LMX1A: variants seen among roughly 807,000 people sequenced by gnomAD.
LMX1A encodes LIM homeobox transcription factor 1 alpha.
In LMX1A, 15 loss-of-function variants were observed where a neutral mutation model predicts 49.1. That is an observed-to-expected ratio of 0.31 (90% confidence interval 0.20 to 0.47). The LOEUF is 0.47. Ranked by LOEUF, LMX1A falls within the 20% of genes least tolerant of loss-of-function variation. The probability of loss-of-function intolerance (pLI) is 1.00; values close to 1 mark genes in which losing one functional copy is unlikely to be tolerated. For synonymous variants in LMX1A, 167 were observed against 185.7 expected (o/e 0.90, Z 0.82); for missense variants, 372 against 475.8 (o/e 0.78, Z 2.03).
chr1:165,295,488 G>C (rs1654590754), intron 3 of LMX1A, among the ~76,000 whole-genome samples: 1 of 147,476 alleles, frequency 6.8e-6, no homozygotes, highest in Non-Finnish European at 1.5e-5. Context: ...ATATATTGGA[G>C]ACATAACATA....
chr1:165,249,141 C>T (rs968689383), intron 4 of LMX1A, among the ~76,000 whole-genome samples: 7 of 152,024 alleles, frequency 4.6e-5, no homozygotes, highest in Non-Finnish European at 8.8e-5. Flanking sequence ...CCAGTTAACC[C>T]GGACATTTCT....
At chr1:165,261,704 C>A (rs1257880607) in intron 3 of LMX1A, among the ~76,000 whole-genome samples, 1 of 151,982 alleles carries the variant, frequency 6.6e-6, no homozygotes, top group Admixed American at 6.6e-5. Context: ...ATTATTCAGC[C>A]TTAAAAAGGA....
chr1:165,344,007 C>T (rs1656161686), intron 3 of LMX1A, among the ~76,000 whole-genome samples: 1 of 152,214 alleles, frequency 6.6e-6, no homozygotes, highest in Admixed American at 6.5e-5. Context: ...CTAGCCTGCA[C>T]TCAAAGTAAT....
intron 3 of LMX1A, among the ~76,000 whole-genome samples, chr1:165,350,302 T>C (rs17468805): frequency 0.22 from 33,142 of 151,888 alleles, 4,210 homozygotes; most frequent in Non-Finnish European, 0.29. Context: ...GGAGGATAAA[T>C]ATCTGGCCAT....
intron 3 of LMX1A, among the ~76,000 whole-genome samples, chr1:165,282,796 G>A (rs570458539): frequency 2.0e-5 from 3 of 152,246 alleles, no homozygotes; most frequent in African/African-American, 7.2e-5. Flanking sequence ...CGGAGTTCCT[G>A]TACTTCTCAC....
At position 165,203,736 on chromosome 1, in the gene LMX1A, C is replaced by T. The variant is rs1273194781; in HGVS notation, c.*144G>A. ...CAGTCTTTGGAAATGCTGAGCTACA[C>T]CATATCATTATACAACAGCATCCCC... On this transcript the variant is annotated 3_prime_UTR_variant, in exon 9 of 9. Transcript: ENST00000342310. 3.1e-6 allele frequency: 2 copies of T among 641,648 alleles called. No individual in the cohort carries two copies. The highest frequency in any genetic ancestry group is 2.8e-5 in the Admixed American group (1 of 36,120). The allele number at this position is 641,648 out of a possible 1,614,324, so 39.7% of individuals were successfully genotyped here.
At chr1:165,320,078 G>T (rs1027823898) in intron 3 of LMX1A, among the ~76,000 whole-genome samples, 6 of 152,086 alleles carry the variant, frequency 3.9e-5, no homozygotes, top group Non-Finnish European at 8.8e-5. Flanking sequence ...AAGTAAAAAT[G>T]CTTCTTTTAT....
intron 6 of LMX1A, among the ~76,000 whole-genome samples, chr1:165,208,999 T>G (rs1030868172): frequency 6.6e-6 from 1 of 152,212 alleles, no homozygotes; most frequent in African/African-American, 2.4e-5. Context: ...CCATAGAGCA[T>G]TAGGGTTCCA....
chr1:165,264,636 T>C (rs1468333984), intron 3 of LMX1A, among the ~76,000 whole-genome samples: 1 of 152,094 alleles, frequency 6.6e-6, no homozygotes, highest in East Asian at 1.9e-4. Context: ...TCAGATCTTA[T>C]AAGGTGAAAC....
chr1:165,233,708 A>G (rs1255790872), intron 4 of LMX1A, among the ~76,000 whole-genome samples: 2 of 152,172 alleles, frequency 1.3e-5, no homozygotes, highest in Admixed American at 1.3e-4. Context: ...ACTCTCAGTC[A>G]TCCTCAACTT....
chr1:165,260,810 T>C (rs1009277563), intron 3 of LMX1A, among the ~76,000 whole-genome samples: 2 of 152,162 alleles, frequency 1.3e-5, no homozygotes, highest in Admixed American at 6.5e-5. Context: ...AATCTCCCTG[T>C]GGCATAAAAA....
chr1:165,255,981 AAAAG>A (rs1020586934), intron 3 of LMX1A, among the ~76,000 whole-genome samples: 17 of 152,272 alleles, frequency 1.1e-4, no homozygotes, highest in African/African-American at 3.9e-4. Context: ...TCAAAAAAAA[AAAAG>A]AATGTTGTGA....
chr1:165,205,625 T>A (rs146918162), intron 8 of LMX1A, among the ~76,000 whole-genome samples: 3 of 152,296 alleles, frequency 2.0e-5, no homozygotes, highest in Admixed American at 6.5e-5. Flanking sequence ...CAACTTCCCA[T>A]TTAAAACCAA....
At chr1:165,270,942 TCAC>T (rs1571192657) in intron 3 of LMX1A, among the ~76,000 whole-genome samples, 1 of 152,202 alleles carries the variant, frequency 6.6e-6, no homozygotes, top group Non-Finnish European at 1.5e-5. Flanking sequence ...CAGTGGAGCC[TCAC>T]CACAACAGAT....
intron 3 of LMX1A, among the ~76,000 whole-genome samples, chr1:165,272,755 A>T (rs1178217840): frequency 6.6e-6 from 1 of 152,092 alleles, no homozygotes; most frequent in Admixed American, 6.5e-5. Context: ...GTGGTTTGCT[A>T]GGGGTCTGCA....
In LMX1A at chr1:165,355,562, TCGGGC is replaced by T; in HGVS notation, c.-8_-4del. ...TCCATCTTTAGGCCGTCCAGCATGT[TCGGGC>T]CGGGCCGGGAGGACCTGTAGAGGAG... On this transcript the variant is annotated 5_prime_UTR_variant, in exon 2 of 9. Transcript: ENST00000342310. The surrounding 1 kb of genome is among the most constrained non-coding windows in gnomAD (Gnocchi z 4.7). The T allele has an allele frequency of 1.2e-6, 2 of 1,613,652 alleles. No individual in the cohort carries two copies. Among genetic ancestry groups the T allele is most frequent in the Non-Finnish European group, 1.7e-6 (2 of 1,179,874 alleles).
chr1:165,325,855 T>C (rs1655562199), intron 3 of LMX1A, among the ~76,000 whole-genome samples: 1 of 152,238 alleles, frequency 6.6e-6, no homozygotes, highest in African/African-American at 2.4e-5. Context: ...TCACTACTTT[T>C]ACTATTATTA....
At position 165,203,095 on chromosome 1, in the gene LMX1A, T is replaced by TG. The variant is rs1650914394; in HGVS notation, c.*784_*785insC. On this transcript the variant is annotated 3_prime_UTR_variant, in exon 9 of 9. Transcript: ENST00000342310. ...AGCCCAGGAGTCTGGGCTTTACATT[T>TG]TCTCAGAACATGATCAGAGATTATT... 1 of 152,540 alleles carries TG rather than the reference T, an allele frequency of 6.6e-6. No homozygotes were observed. Among genetic ancestry groups the TG allele is most frequent in the Admixed American group, 6.5e-5 (1 of 15,284 alleles). 9.4% of individuals were successfully genotyped at this position (152,540 alleles called of 1,614,324 possible).
intron 3 of LMX1A, among the ~76,000 whole-genome samples, chr1:165,307,990 A>AATT (rs1434281690): frequency 6.6e-6 from 1 of 152,212 alleles, no homozygotes; most frequent in Non-Finnish European, 1.5e-5. Flanking sequence ...GAGTCAGAAC[A>AATT]ATTTCAGGAG....
Sources: gnomAD v4.1 joint callset for allele counts (sites outside exome capture counted in the v4.1 genomes callset) on GRCh38, gnomAD v4.1.1 for gene constraint, Gnocchi (gnomAD v3.1) non-coding constraint, MANE v1.5 for transcripts, NCBI Gene and HGNC (gene_info 2026-07-23, HGNC 2026-07-21) for gene names.